The following TG variants were observed in gnomAD, a reference collection of about 807,000 sequenced individuals.
TG encodes the protein thyroglobulin.
In TG, 270 loss-of-function variants were observed where a neutral mutation model predicts 324.7. The ratio of observed to expected loss-of-function variants is 0.83; its 90% confidence interval spans 0.75 to 0.92. TG has a LOEUF of 0.92. Ranked by LOEUF, TG falls within the 40% of genes least tolerant of loss-of-function variation. The pLI is 0.00. For synonymous variants in TG, 1,401 were observed against 1,327.0 expected, an observed-to-expected ratio of 1.06 and a Z score of -1.21; for missense variants, 3,591 against 3,456.4, an observed-to-expected ratio of 1.04 and a Z score of -0.98.
At position 132,969,417 on chromosome 8, in the gene TG, C is replaced by T. The variant is rs1014907772; in HGVS notation, c.5864-41C>T. 2.2e-6 allele frequency: 3 copies of T among 1,395,216 alleles called. No homozygotes were observed. The Admixed American group carries it at 5.0e-5, about 23-fold the overall frequency. The allele number at this position is 1,395,216 out of a possible 1,614,324, so 86.4% of individuals were successfully genotyped here. A position where few individuals can be genotyped will look rare whatever the true frequency, so the allele number is the denominator to read the frequency against. On this transcript the variant is annotated intron_variant, in intron 31 of 47. Transcript: ENST00000220616. Reference sequence around the variant, plus strand: ...TGTCCTCATATTTTCATGACTACAGCAAATCTCTAAGTAATGTATTTTCTT... The same window carrying T: ...TGTCCTCATATTTTCATGACTACAGTAAATCTCTAAGTAATGTATTTTCTT...
chr8:132,883,255 G>T, intron 8 of TG: 1 of 512,290 alleles, frequency 2.0e-6, no homozygotes, highest in Non-Finnish European at 3.5e-6. Flanking sequence ...AAATAAAAGA[G>T]AATTGAGTTC....
chr8:132,970,514 G>A (rs1396398431), intron 32 of TG, among the ~76,000 whole-genome samples: 1 of 152,200 alleles, frequency 6.6e-6, no homozygotes, highest in African/African-American at 2.4e-5. Context: ...AAATTCAAGT[G>A]TCATCCATTC....
intron 41 of TG, among the ~76,000 whole-genome samples, chr8:133,070,237 T>A (rs1373771422): frequency 6.6e-6 from 1 of 151,666 alleles, no homozygotes; most frequent in East Asian, 1.9e-4. Context: ...GAGGACGGAG[T>A]AGGAAAAAGA....
At chr8:132,972,258 C>G (rs1429985133) in intron 33 of TG, 3 of 459,820 alleles carry the variant, frequency 6.5e-6, no homozygotes, top group South Asian at 2.2e-5. Context: ...TCTCCCTGAG[C>G]CTCTGTTTCC....
At chr8:133,108,152 T>C (rs1242959509) in intron 43 of TG, among the ~76,000 whole-genome samples, 3 of 151,742 alleles carry the variant, frequency 2.0e-5, no homozygotes, top group Admixed American at 2.0e-4. Flanking sequence ...TGGCTATTTT[T>C]TTTTTTCGTA....
intron 20 of TG, 28 bp downstream of exon 20, chr8:132,913,293 C>G (rs756617603): frequency 1.4e-5 from 22 of 1,608,146 alleles, no homozygotes; most frequent in Non-Finnish European, 1.7e-5. Flanking sequence ...CTGGATATCT[C>G]CTGTGGAGCC....
chr8:132,960,983 T>C, intron 27 of TG, 25 bp from the exon 28 acceptor site: 2 of 1,612,980 alleles, frequency 1.2e-6, no homozygotes, highest in Non-Finnish European at 1.7e-6. Context: ...CTCAAGCTCA[T>C]AAAAATAAAC....
rs767858769 is a variant in TG, at chr8:132,893,791, G to A, written c.2863G>A (p.Glu955Lys). The change falls in exon 11 of 48, where the codon GAG (glutamate) becomes AAG (lysine). Residue 955 changes from glutamate (E) to lysine (K), a missense_variant. Glu to Lys is a moderately conservative substitution (Grantham distance 56, BLOSUM62 1). Transcript: ENST00000220616. ...CAACAGTTCTCGGTTCCCTCTGGGG[G>A]AGAGTTTCCTGGTGGCCAAGGGAAT... ...ASNSSRFPLG[E>K]SFLVAKGIRL... 2.5e-6 allele frequency: 4 copies of A among 1,614,002 alleles called. No homozygotes were observed. Among genetic ancestry groups the A allele is most frequent in the Admixed American group, 1.7e-5 (1 of 60,018 alleles).
Position 133,017,586 on chromosome 8 carries a change from A to AT in TG, c.6563-184dup, listed in dbSNP as rs529067906. The stretch of plus-strand genomic sequence containing the variant: ...CTAATAAAGATCAGCTGTTTTTGCC[A>AT]TTTTTTTTGTTTGTTTACATTGAAA... On this transcript the variant is annotated intron_variant, in intron 37 of 47. Coordinates refer to ENST00000220616, the MANE Select transcript of TG (RefSeq NM_003235.5). 2.1e-4 allele frequency: 133 copies of AT among 640,962 alleles called. 2 individuals carry two copies. Among genetic ancestry groups the AT allele is most frequent in the South Asian group, 1.2e-3 (65 of 54,630 alleles). The allele number at this position is 640,962 out of a possible 1,614,324, so 39.7% of individuals were successfully genotyped here. A position where few individuals can be genotyped will look rare whatever the true frequency, so the allele number is the denominator to read the frequency against.
chr8:133,014,540 A>G (rs775723302), intron 37 of TG, among the ~76,000 whole-genome samples: 8 of 152,210 alleles, frequency 5.3e-5, no homozygotes, highest in Admixed American at 3.3e-4. Flanking sequence ...AAGGTTCTAC[A>G]ACCATTCTTT....
intron 43 of TG, among the ~76,000 whole-genome samples, chr8:133,104,316 A>T (rs1849604652): frequency 6.6e-6 from 1 of 152,204 alleles, no homozygotes; most frequent in Admixed American, 6.5e-5. Context: ...ATAGAAGGTG[A>T]TTATATTGAT....
intron 18 of TG, among the ~76,000 whole-genome samples, chr8:132,909,373 G>T (rs1819175670): frequency 6.6e-6 from 1 of 152,234 alleles, no homozygotes. Flanking sequence ...AATGGCTGAA[G>T]ACATGTGTTT....
rs1485357200 is a variant in TG at position 133,051,771 on chromosome 8, T to C, written c.7239+21748T>C. On this transcript the variant is annotated intron_variant, in intron 41 of 47. Coordinates refer to ENST00000220616, the MANE Select transcript of TG (RefSeq NM_003235.5). Reference sequence around the variant, plus strand: ...CATTAGATGCAGGGTAATATTTGGATACATTTTTGGGGGAAATAACAAGAT... The same window carrying C: ...CATTAGATGCAGGGTAATATTTGGACACATTTTTGGGGGAAATAACAAGAT... 3.3e-5 allele frequency among the ~76,000 whole-genome samples: 5 copies of C among 152,204 alleles called. No individual in the cohort carries two copies. In the East Asian group the frequency reaches 9.6e-4, roughly 29 times the overall value.
At chr8:132,893,256 ATGTG>A (rs1816559055) in intron 10 of TG, among the ~76,000 whole-genome samples, 1 of 97,978 alleles carries the variant, frequency 1.0e-5, no homozygotes, top group Non-Finnish European at 2.1e-5. Flanking sequence ...TGTGGTGTGT[ATGTG>A]TGTGGTGTCT....
chr8:133,094,436 T>A (rs1164494733), intron 41 of TG, among the ~76,000 whole-genome samples: 1 of 151,986 alleles, frequency 6.6e-6, no homozygotes, highest in East Asian at 1.9e-4. Flanking sequence ...GAGATGGGGT[T>A]TCACTGTGTT....
intron 31 of TG, among the ~76,000 whole-genome samples, chr8:132,968,521 C>T (rs1184976871): frequency 6.6e-6 from 1 of 152,184 alleles, no homozygotes; most frequent in East Asian, 1.9e-4. Context: ...CCCATACAGT[C>T]TGTTTTCTCC....
chr8:132,921,945 A>G (rs1563958143), intron 21 of TG, among the ~76,000 whole-genome samples: 1 of 152,236 alleles, frequency 6.6e-6, no homozygotes, highest in African/African-American at 2.4e-5. Flanking sequence ...CTGGGCTGCC[A>G]TAAAATATTA....
chr8:133,060,118 G>T (rs4486183), intron 41 of TG: 23,616 of 1,606,828 alleles, frequency 0.015, 721 homozygotes, highest in African/African-American at 0.12. Context: ...TTGGGCAGGG[G>T]CCTCTCGGCA....
chr8:133,035,376 C>T (rs745541146), intron 41 of TG, among the ~76,000 whole-genome samples: 7 of 152,076 alleles, frequency 4.6e-5, no homozygotes, highest in Non-Finnish European at 1.0e-4. Flanking sequence ...TATCATAGAG[C>T]ATGAATTGGA....
Sources: gnomAD v4.1 joint callset for allele counts (sites outside exome capture counted in the v4.1 genomes callset) on GRCh38, gnomAD v4.1.1 for gene constraint, MANE v1.5 for transcripts, NCBI Gene and HGNC (gene_info 2026-07-23, HGNC 2026-07-21) for gene names.